Variants in MALRD1 observed in about 807,000 individuals in gnomAD.
MALRD1 encodes MAM and LDL receptor class A domain containing 1.
Under a neutral mutation model 242.1 loss-of-function variants are expected in MALRD1, and 247 were observed. The observed-to-expected ratio is 1.02, with a 90% CI of 0.92 to 1.13. The LOEUF (loss-of-function observed/expected upper bound fraction) is 1.13, where lower values mean the gene tolerates loss of function less well. Among genes scored for constraint, MALRD1 ranks in the 50% most tolerant of loss-of-function variants. The pLI is 0.00. For missense variants in MALRD1, 2,989 were observed against 2,533.1 expected (o/e 1.18, Z -3.86); for synonymous variants, 995 against 866.6 (o/e 1.15, Z -2.60).
intron 18 of MALRD1, among the ~76,000 whole-genome samples, chr10:19,218,486 G>T (rs150730188): frequency 2.0e-5 from 3 of 152,214 alleles, no homozygotes; most frequent in Admixed American, 6.5e-5. Flanking sequence ...GTCCTTCTGA[G>T]CAGTTGATGT....
At chr10:19,648,013 C>T (rs979436057) in intron 36 of MALRD1, among the ~76,000 whole-genome samples, 1 of 152,014 alleles carries the variant, frequency 6.6e-6, no homozygotes, top group Admixed American at 6.6e-5. Flanking sequence ...AGTATGATGA[C>T]TAGGGAAGCT....
intron 19 of MALRD1, among the ~76,000 whole-genome samples, chr10:19,270,366 AC>A (rs1464816381): frequency 7.9e-5 from 12 of 151,168 alleles, no homozygotes; most frequent in Non-Finnish European, 1.3e-4. Context: ...ACACACACAC[AC>A]ACACACACAC....
chr10:19,202,091 G>A (rs901297430), intron 14 of MALRD1, among the ~76,000 whole-genome samples: 3 of 152,104 alleles, frequency 2.0e-5, no homozygotes, highest in African/African-American at 7.2e-5. Context: ...TGGAATTACA[G>A]GTGTGAGCCA....
At chr10:19,602,094 A>G (rs185847361) in intron 34 of MALRD1, among the ~76,000 whole-genome samples, 191 of 146,020 alleles carry the variant, frequency 1.3e-3, no homozygotes, top group Non-Finnish European at 2.1e-3. Context: ...CGGATGTCAC[A>G]TTTTTTACAA....
intron 5 of MALRD1, among the ~76,000 whole-genome samples, chr10:19,119,737 T>TTAGTCC (rs1165141799): frequency 6.6e-6 from 1 of 152,194 alleles, no homozygotes; most frequent in Admixed American, 6.5e-5. Flanking sequence ...GTGACTAATG[T>TTAGTCC]TAGTCCTACA....
chr10:19,219,590 C>T (rs189096801), intron 18 of MALRD1, among the ~76,000 whole-genome samples: 1 of 152,094 alleles, frequency 6.6e-6, no homozygotes, highest in Non-Finnish European at 1.5e-5. Flanking sequence ...GCGTGCACCA[C>T]CACACCGGCT....
chr10:19,619,378 G>A (rs1453480738), intron 36 of MALRD1, among the ~76,000 whole-genome samples: 1 of 151,640 alleles, frequency 6.6e-6, no homozygotes, highest in Admixed American at 6.6e-5. Flanking sequence ...TTTACAAAAC[G>A]ACCTGTTGAA....
intron 21 of MALRD1, among the ~76,000 whole-genome samples, chr10:19,322,532 A>G (rs1281911739): frequency 6.6e-6 from 1 of 152,196 alleles, no homozygotes; most frequent in Non-Finnish European, 1.5e-5. Context: ...CATACATGGA[A>G]CTGTCTCATT....
chr10:19,263,687 A>G (rs2131826147), intron 19 of MALRD1, among the ~76,000 whole-genome samples: 1 of 152,152 alleles, frequency 6.6e-6, no homozygotes, highest in Non-Finnish European at 1.5e-5. Context: ...CTTATTGAAG[A>G]GATTATTTTT....
intron 14 of MALRD1, among the ~76,000 whole-genome samples, chr10:19,202,815 G>A (rs1836600473): frequency 6.6e-6 from 1 of 151,948 alleles, no homozygotes; most frequent in South Asian, 2.1e-4. Flanking sequence ...TCTAATGACA[G>A]TTAACACTTA....
chr10:19,386,407 A>G (rs1846074540), intron 26 of MALRD1, among the ~76,000 whole-genome samples: 2 of 53,578 alleles, frequency 3.7e-5, no homozygotes, highest in South Asian at 7.8e-4. Flanking sequence ...TGGAAGAAGG[A>G]GAAGACAAGA....
At chr10:19,293,534 T>G (rs1337113598) in intron 21 of MALRD1, among the ~76,000 whole-genome samples, 1 of 152,234 alleles carries the variant, frequency 6.6e-6, no homozygotes, top group Non-Finnish European at 1.5e-5. Flanking sequence ...TTTGATTTTA[T>G]TCAAAGATAT....
intron 28 of MALRD1, among the ~76,000 whole-genome samples, chr10:19,398,315 A>G (rs574353669): frequency 6.6e-6 from 1 of 152,282 alleles, no homozygotes; most frequent in African/African-American, 2.4e-5. Context: ...AATGTTGGTT[A>G]GGAAAGAATG....
chr10:19,713,038 A>C (rs1834212376), intron 38 of MALRD1, among the ~76,000 whole-genome samples: 2 of 98,384 alleles, frequency 2.0e-5, no homozygotes, highest in African/African-American at 9.2e-5. Flanking sequence ...TAGAAACCAG[A>C]AATGAAGGGG....
At chr10:19,580,723 T>C (rs1179354855) in intron 33 of MALRD1, among the ~76,000 whole-genome samples, 1 of 152,210 alleles carries the variant, frequency 6.6e-6, no homozygotes, top group African/African-American at 2.4e-5. Context: ...AAAATAGTTA[T>C]CATTTTGTGC....
chr10:19,431,002 T>A (rs1464613529), intron 28 of MALRD1, among the ~76,000 whole-genome samples: 1 of 152,222 alleles, frequency 6.6e-6, no homozygotes. Context: ...CATTTTTTAA[T>A]TTTAATTTTT....
intron 31 of MALRD1, among the ~76,000 whole-genome samples, chr10:19,504,459 A>G (rs1473004559): frequency 6.6e-6 from 1 of 152,054 alleles, no homozygotes; most frequent in Non-Finnish European, 1.5e-5. Flanking sequence ...CATTTGCTTG[A>G]GAAGGTTGGA....
intron 18 of MALRD1, among the ~76,000 whole-genome samples, chr10:19,239,409 G>T (rs1361134669): frequency 4.6e-5 from 7 of 152,128 alleles, no homozygotes; most frequent in Non-Finnish European, 5.9e-5. Flanking sequence ...CTCCTTAGCA[G>T]ATGTATAGTT....
intron 36 of MALRD1, among the ~76,000 whole-genome samples, chr10:19,635,726 TATTTGCATAA>T (rs1485794136): frequency 6.6e-6 from 1 of 152,290 alleles, no homozygotes; most frequent in South Asian, 2.1e-4. Flanking sequence ...GAATATTTCA[TATTTGCATAA>T]ATTTGCATAA....
Sources: gnomAD v4.1 joint callset for allele counts (sites outside exome capture counted in the v4.1 genomes callset) on GRCh38, gnomAD v4.1.1 for gene constraint, MANE v1.5 for transcripts, NCBI Gene and HGNC (gene_info 2026-07-23, HGNC 2026-07-21) for gene names.